VSIG10: variants seen among roughly 807,000 people sequenced by gnomAD.
VSIG10 encodes the protein V-set and immunoglobulin domain-containing protein 10.
VSIG10 carries 48 observed loss-of-function variants against 58.7 expected under a neutral mutation model. That is an observed-to-expected ratio of 0.82 (90% confidence interval 0.65 to 1.04). The LOEUF (loss-of-function observed/expected upper bound fraction) is 1.04, where lower values mean the gene tolerates loss of function less well. Among genes scored for constraint, VSIG10 ranks in the 50% least tolerant of loss-of-function variants. VSIG10 has a pLI of 0.00. For synonymous variants in VSIG10, 260 were observed against 267.1 expected (o/e 0.97, Z 0.26); for missense variants, 628 against 670.0 (o/e 0.94, Z 0.69).
chr12:118,078,937 T>TAAAA (rs35469920), intron 4 of VSIG10, among the ~76,000 whole-genome samples: 26 of 39,914 alleles, frequency 6.5e-4, no homozygotes, highest in African/African-American at 2.0e-3. Context: ...AGACTCTGCC[T>TAAAA]AAAAAAAAAA....
rs757082014 is a variant in VSIG10 at position 118,068,605 on chromosome 12, C to T, written c.1347-8G>A. ...TCATCCATGTTTTGTCCCCTAATTT[C>T]CAAAGGGGAAAAATAATCAAGAAGA... is the stretch of plus-strand genomic sequence containing the variant. On this transcript the variant is annotated splice_region_variant and splice_polypyrimidine_tract_variant and intron_variant, in intron 7 of 8. Transcript: ENST00000359236. 6.5e-7 allele frequency: 1 copy of T among 1,530,596 alleles called. No individual in the cohort carries two copies. The highest frequency in any genetic ancestry group is 1.4e-5 in the African/African-American group (1 of 72,332). 94.8% of individuals were successfully genotyped at this position (1,530,596 alleles called of 1,614,324 possible).
chr12:118,079,288 C>G, intron 4 of VSIG10, 58 bp downstream of exon 4: 1 of 1,589,300 alleles, frequency 6.3e-7, no homozygotes, highest in East Asian at 2.2e-5. Context: ...AAATGCTTCT[C>G]CTAGGAGAAA....
Position 118,068,399 on chromosome 12 carries a change from T to G in VSIG10, c.1545A>C (p.Gly515=). The change falls in exon 8 of 9, where the codon GGA becomes GGC. Residue 515 remains glycine, a synonymous_variant. Transcript: ENST00000359236. ...ALVNGNIEQM[G]NGFQDLQDDS... ...TACCTTGAAGATCCTGGAATCCATTTCCCATCTGTTCTATGTTCCCATTCA... is the reference window on the plus strand; with the variant it reads ...TACCTTGAAGATCCTGGAATCCATTGCCCATCTGTTCTATGTTCCCATTCA... 6.2e-7 allele frequency: 1 copy of G among 1,613,534 alleles called. No individual in the cohort carries two copies. Among genetic ancestry groups the G allele is most frequent in the Non-Finnish European group, 8.5e-7 (1 of 1,179,756 alleles).
intron 2 of VSIG10, among the ~76,000 whole-genome samples, chr12:118,091,581 GACCTTGTCTGCCTTCTTCAC>G (rs1279828262): frequency 6.6e-6 from 1 of 152,006 alleles, no homozygotes; most frequent in East Asian, 1.9e-4. Flanking sequence ...CAAGGGCAGA[GACCTTGTCTGCCTTCTTCAC>G]ACCTGTGGTC....
At chr12:118,071,956 A>G (rs7485586) in intron 5 of VSIG10, among the ~76,000 whole-genome samples, 17,736 of 148,896 alleles carry the variant, frequency 0.12, 1,257 homozygotes, top group South Asian at 0.19. Context: ...GATCACCTGA[A>G]GTCGGGAGAT....
intron 7 of VSIG10, among the ~76,000 whole-genome samples, chr12:118,070,527 A>AAG (rs953284675): frequency 2.0e-5 from 3 of 146,378 alleles, no homozygotes; most frequent in Non-Finnish European, 4.5e-5. Context: ...CAGCCTGAGC[A>AAG]AGAGAGAGAG....
At position 118,073,974 on chromosome 12, in the gene VSIG10, G is replaced by C; in HGVS notation, c.944C>G (p.Ser315Cys). ...MVQIRGPSLL[S>C]EPMKTCFTGG... ...AGTGAAGCAAGTCTTCATGGGCTCA[G>C]AGAGAAGGGAGGGACCCCCTGGTGA... The change falls in exon 5 of 9, where the codon TCT (serine) becomes TGT (cysteine). Residue 315 changes from serine (S) to cysteine (C), a missense_variant. Physicochemically the swap from Ser to Cys is moderately radical, Grantham distance 112. Transcript: ENST00000359236. 6.4e-7 allele frequency: 1 copy of C among 1,571,388 alleles called. No homozygotes were observed. The highest frequency in any genetic ancestry group is 8.6e-7 in the Non-Finnish European group (1 of 1,156,902).
At chr12:118,079,197 A>G (rs2032848496) in intron 4 of VSIG10, 149 bp downstream of exon 4, 2 of 1,231,350 alleles carry the variant, frequency 1.6e-6, no homozygotes, top group Non-Finnish European at 2.2e-6. Flanking sequence ...AAAAAGTGAA[A>G]CATAAAGAAA....
intron 7 of VSIG10, among the ~76,000 whole-genome samples, chr12:118,070,448 T>C (rs1483193753): frequency 1.3e-5 from 2 of 149,432 alleles, no homozygotes; most frequent in Non-Finnish European, 3.0e-5. Flanking sequence ...CTCGGAAGGC[T>C]GAGGCAGGAG....
At chr12:118,069,546 C>A (rs2032400187) in intron 7 of VSIG10, among the ~76,000 whole-genome samples, 1 of 151,536 alleles carries the variant, frequency 6.6e-6, no homozygotes, top group Non-Finnish European at 1.5e-5. Flanking sequence ...CTGCTTCAAC[C>A]TCCCAAGCAG....
chr12:118,072,327 C>T (rs2137850120), intron 5 of VSIG10, among the ~76,000 whole-genome samples: 1 of 149,454 alleles, frequency 6.7e-6, no homozygotes, highest in African/African-American at 2.5e-5. Flanking sequence ...TAGCCGGGCA[C>T]AGCGGCGGGC....
At chr12:118,068,744 G>A (rs2032361707) in intron 7 of VSIG10, 147 bp from the exon 8 acceptor site, 1 of 1,051,578 alleles carries the variant, frequency 9.5e-7, no homozygotes, top group African/African-American at 1.6e-5. Flanking sequence ...TGATGGTGTG[G>A]TAACCGCAGA....
Position 118,103,578 on chromosome 12 carries a change from A to T in VSIG10, c.79+15T>A, listed in dbSNP as rs141742822. On this transcript the variant is annotated intron_variant, in intron 1 of 8. Transcript: ENST00000359236. The stretch of plus-strand genomic sequence containing the variant: ...GGGAAAACTCAACTTTTCCCTCCAG[A>T]TCGCGGCCCCTTACCTACGGCGACC... 1.4e-3 allele frequency: 2,084 copies of T among 1,517,118 alleles called. 22 individuals are homozygous for T. The highest frequency in any genetic ancestry group is 8.6e-4 in the Non-Finnish European group (974 of 1,138,032). 94.0% of individuals were successfully genotyped at this position (1,517,118 alleles called of 1,614,324 possible).
intron 4 of VSIG10, among the ~76,000 whole-genome samples, chr12:118,075,231 T>C (rs1195839488): frequency 6.6e-6 from 1 of 151,444 alleles, no homozygotes; most frequent in African/African-American, 2.4e-5. Flanking sequence ...TGTGTATATA[T>C]ATATATAGGG....
chr12:118,073,871 G>C lies in VSIG10; in HGVS notation c.1047C>G (p.Thr349=). Residue 349 remains threonine (T), a synonymous_variant, in exon 5 of 9, where the codon ACC becomes ACG. Transcript: ENST00000359236. ...PAKILWLRNL[T]QPEVIIQPSS... ...TAGGCTGGATGATCACCTCGGGCTG[G>C]GTAAGGTTCCTCAGCCACAGGATCT... The C allele has an allele frequency of 2.0e-6, 3 of 1,532,906 alleles. No individual in the cohort carries two copies. The highest frequency in any genetic ancestry group is 2.2e-5 in the South Asian group (2 of 90,788). The allele number at this position is 1,532,906 out of a possible 1,614,324, so 95.0% of individuals were successfully genotyped here.
intron 2 of VSIG10, 50 bp downstream of exon 2, chr12:118,095,483 C>G (rs1237165896): frequency 1.2e-6 from 2 of 1,601,640 alleles, no homozygotes; most frequent in Non-Finnish European, 1.7e-6. Context: ...CTCCTCCTTT[C>G]CAAGGCTCCG....
chr12:118,075,160 ATG>A (rs1454585496), intron 4 of VSIG10, among the ~76,000 whole-genome samples: 1 of 65,392 alleles, frequency 1.5e-5, no homozygotes, highest in African/African-American at 8.0e-5. Context: ...ATGTATATAT[ATG>A]TATATATATG....
intron 2 of VSIG10, among the ~76,000 whole-genome samples, chr12:118,086,801 C>T (rs574632710): frequency 3.3e-5 from 5 of 152,252 alleles, no homozygotes; most frequent in Non-Finnish European, 5.9e-5. Flanking sequence ...CACTCTGTCA[C>T]CCAGGCTGGA....
At chr12:118,101,926 G>A (rs554996586) in intron 1 of VSIG10, 1 of 152,342 alleles carries the variant, frequency 6.6e-6, no homozygotes, top group Admixed American at 6.5e-5. Flanking sequence ...TTGGGTCCAG[G>A]AGTTTAAGAC....
Sources: gnomAD v4.1 joint callset for allele counts (sites outside exome capture counted in the v4.1 genomes callset) on GRCh38, gnomAD v4.1.1 for gene constraint, MANE v1.5 for transcripts, NCBI Gene and HGNC (gene_info 2026-07-23, HGNC 2026-07-21) for gene names.